PTGES3L: variants seen among roughly 807,000 people sequenced by gnomAD.
PTGES3L encodes the protein prostaglandin E synthase 3 like.
A neutral mutation model predicts 25.0 loss-of-function variants in PTGES3L; 17 were observed. That is an observed-to-expected ratio of 0.68 (90% CI 0.47 to 1.02). The LOEUF (loss-of-function observed/expected upper bound fraction) is 1.02. Ranked by LOEUF, PTGES3L falls within the 50% of genes least tolerant of loss-of-function variation. The pLI, the probability that PTGES3L is intolerant of heterozygous loss-of-function variation, is 0.00. For synonymous variants in PTGES3L, 59 were observed against 65.7 expected, an observed-to-expected ratio of 0.90 and a Z score of 0.50; for missense variants, 202 against 197.5, an observed-to-expected ratio of 1.02 and a Z score of -0.14.
rs1056458453 is a variant in PTGES3L, at chr17:42,969,065, C to T, written c.*83G>A. The T allele has an allele frequency of 1.3e-5, 13 of 1,025,550 alleles. No individual in the cohort carries two copies. Among genetic ancestry groups the T allele is most frequent in the Admixed American group, 6.4e-5 (3 of 47,138 alleles). 63.5% of individuals were successfully genotyped at this position (1,025,550 alleles called of 1,614,324 possible). A position where few individuals can be genotyped will look rare whatever the true frequency, so the allele number is the denominator to read the frequency against. ...AGAAGAACTTGGTGCACAGCCAAAG[C>T]GCTGACAAAGGCCTAGGCGCTAGCT... On this transcript the variant is annotated 3_prime_UTR_variant, in exon 7 of 7. Transcript: ENST00000591916.
intron 1 of PTGES3L, 166 bp downstream of exon 1, chr17:42,979,880 G>T (rs1199014783): frequency 1.4e-6 from 2 of 1,444,534 alleles, no homozygotes; most frequent in Admixed American, 2.7e-5. Flanking sequence ...AAACTAGGAG[G>T]TCAGGGAGAA....
At chr17:42,976,095 G>A (rs1486083734) in intron 4 of PTGES3L, among the ~76,000 whole-genome samples, 3 of 152,034 alleles carry the variant, frequency 2.0e-5, no homozygotes, top group East Asian at 1.9e-4. Context: ...CAATTCTCCC[G>A]CCTCAGCCTC....
intron 4 of PTGES3L, among the ~76,000 whole-genome samples, chr17:42,975,135 CAAAAAAAAAA>C (rs11398866): frequency 2.1e-5 from 2 of 97,050 alleles, no homozygotes; most frequent in South Asian, 4.0e-4. Context: ...CATCCTGTCT[CAAAAAAAAAA>C]AAAAAAAAAA....
intron 4 of PTGES3L, 88 bp from the exon 5 acceptor site, chr17:42,971,784 C>T (rs2049841568): frequency 4.2e-6 from 6 of 1,418,336 alleles, no homozygotes; most frequent in Non-Finnish European, 5.9e-6. Flanking sequence ...GGGAGCACGC[C>T]TGGGGAAAAG....
chr17:42,969,202 A>AG lies in PTGES3L; in HGVS notation c.433-17_433-16insC, dbSNP rs751554378. The AG allele has an allele frequency of 3.8e-5, 51 of 1,347,588 alleles. No homozygotes were observed. The highest frequency in any genetic ancestry group is 1.8e-4 in the Middle Eastern group (1 of 5,466). 83.5% of individuals were successfully genotyped at this position (1,347,588 alleles called of 1,614,324 possible). The stretch of plus-strand genomic sequence containing the variant: ...CAGAATCATCCTGGGGGCGGGGGGG[A>AG]AAAAAGACAAAGCACCTGTAGACCC... On this transcript the variant is annotated splice_polypyrimidine_tract_variant and intron_variant, in intron 6 of 6. Transcript: ENST00000591916.
chr17:42,971,714 AAG>A lies in PTGES3L; in HGVS notation c.289-20_289-19del. On this transcript the variant is annotated intron_variant, in intron 4 of 6. Transcript: ENST00000591916. ...CACACTGGCTGCAAGAAGAGGCACCAAGAGTCACAGGCCAGGAGGGCAGGAGC... is the reference window on the plus strand; with the variant it reads ...CACACTGGCTGCAAGAAGAGGCACCAAGTCACAGGCCAGGAGGGCAGGAGC... 1 of 1,613,748 alleles carries A rather than the reference AAG, an allele frequency of 6.2e-7. No homozygotes were observed. Among genetic ancestry groups the A allele is most frequent in the Non-Finnish European group, 8.5e-7 (1 of 1,179,808 alleles).
intron 1 of PTGES3L, 190 bp from the exon 2 acceptor site, chr17:42,979,853 G>A (rs2050042656): frequency 2.1e-6 from 3 of 1,442,028 alleles, no homozygotes; most frequent in African/African-American, 1.4e-5. Flanking sequence ...GGGAAGAATA[G>A]AACGTGCAAG....
At chr17:42,974,121 G>C (rs966540080) in intron 4 of PTGES3L, among the ~76,000 whole-genome samples, 2 of 152,000 alleles carry the variant, frequency 1.3e-5, no homozygotes, top group Non-Finnish European at 2.9e-5. Context: ...AGCACTCTGC[G>C]GGGCCAGGGT....
chr17:42,979,780 G>A lies in PTGES3L; in HGVS notation c.9-117C>T, dbSNP rs2050040634. 4 of 1,455,890 alleles carry A rather than the reference G, an allele frequency of 2.7e-6. No individual in the cohort carries two copies. The South Asian group carries it at 5.1e-5, about 19-fold the overall frequency. The allele number at this position is 1,455,890 out of a possible 1,614,324, so 90.2% of individuals were successfully genotyped here. The stretch of plus-strand genomic sequence containing the variant: ...CAGTTTTTTCAAAGTGGAGCTAAAT[G>A]AGACAGAAGGGGTGAAAGGGAAGGG... On this transcript the variant is annotated intron_variant, in intron 1 of 6. Coordinates refer to ENST00000591916, the MANE Select transcript of PTGES3L (RefSeq NM_001261430.2).
At chr17:42,979,488 G>A in intron 2 of PTGES3L, 44 bp from the exon 3 acceptor site, 2 of 1,614,128 alleles carry the variant, frequency 1.2e-6, no homozygotes, top group Non-Finnish European at 1.7e-6. Context: ...TACTCCGTGT[G>A]GGGACATTAG....
intron 4 of PTGES3L, among the ~76,000 whole-genome samples, chr17:42,978,734 C>T (rs1472364817): frequency 3.3e-5 from 5 of 152,142 alleles, no homozygotes; most frequent in Non-Finnish European, 7.4e-5. Flanking sequence ...GGCGCGGTGG[C>T]TCACGCCTGT....
intron 4 of PTGES3L, among the ~76,000 whole-genome samples, chr17:42,977,681 G>A (rs62076388): frequency 0.58 from 69,860 of 119,528 alleles, 20,940 homozygotes; most frequent in Non-Finnish European, 0.7. Context: ...GAGAGAGAGA[G>A]AGAAAGAAAG....
At position 42,979,638 on chromosome 17, in the gene PTGES3L, C is replaced by T. The variant is rs938262898; in HGVS notation, c.34G>A (p.Asp12Asn). The T allele has an allele frequency of 6.2e-6, 10 of 1,613,996 alleles. No homozygotes were observed. The highest frequency in any genetic ancestry group is 4.0e-5 in the African/African-American group (3 of 74,914). ...ARQHARTLWY[D>N]RPRYVFMEFC... The stretch of plus-strand genomic sequence containing the variant: ...TCCATGAACACATACCTGGGCCTGT[C>T]GTACCACAAGGTCCGGGCGTGCTGC... The change falls in exon 2 of 7, where the codon GAC becomes AAC. Residue 12 changes from aspartate (D) to asparagine (N), a missense_variant. Asp to Asn is a conservative substitution (Grantham distance 23). Coordinates refer to ENST00000591916, the MANE Select transcript of PTGES3L (RefSeq NM_001261430.2).
chr17:42,973,391 G>A lies in PTGES3L; in HGVS notation c.289-1695C>T, dbSNP rs1426339833. 5.0e-3 allele frequency among the ~76,000 whole-genome samples: 724 copies of A among 144,584 alleles called. 8 individuals carry two copies. The highest frequency in any genetic ancestry group is 7.1e-3 in the Non-Finnish European group (463 of 65,514). The allele number at this position is 144,584 out of a possible 152,430, so 94.9% of individuals were successfully genotyped here. On this transcript the variant is annotated intron_variant, in intron 4 of 6. Transcript: ENST00000591916. ...AGTGGGGGGGGTCAGCCCCCTGCCC[G>A]GCCAGCCGCCCCGTCCGGGAGGTGA...
rs745402882 is a variant in PTGES3L, at chr17:42,969,194, CG to C, written c.433-9del. 2.1e-3 allele frequency: 258 copies of C among 123,338 alleles called. 4 individuals carry two copies. The highest frequency in any genetic ancestry group is 3.1e-3 in the South Asian group (15 of 4,814). 7.6% of individuals were successfully genotyped at this position (123,338 alleles called of 1,614,324 possible). On this transcript the variant is annotated splice_polypyrimidine_tract_variant and intron_variant, in intron 6 of 6. Coordinates refer to ENST00000591916, the MANE Select transcript of PTGES3L (RefSeq NM_001261430.2). The stretch of plus-strand genomic sequence containing the variant: ...AGCACTGTCAGAATCATCCTGGGGG[CG>C]GGGGGGAAAAAAGACAAAGCACCTG...
At chr17:42,979,314 A>G in intron 3 of PTGES3L, 46 bp from the exon 4 acceptor site, 1 of 1,614,130 alleles carries the variant, frequency 6.2e-7, no homozygotes, top group South Asian at 1.1e-5. Flanking sequence ...GTTTAGAATT[A>G]ATCTCCAGTT....
intron 5 of PTGES3L, among the ~76,000 whole-genome samples, chr17:42,971,287 C>CACAG (rs1449586283): frequency 6.6e-6 from 1 of 151,558 alleles, no homozygotes; most frequent in African/African-American, 2.4e-5. Context: ...CAGAAAACCA[C>CACAG]ACACACACAC....
intron 4 of PTGES3L, among the ~76,000 whole-genome samples, chr17:42,972,960 A>C (rs1205997534): frequency 7.6e-6 from 1 of 131,798 alleles, no homozygotes; most frequent in Non-Finnish European, 1.6e-5. Context: ...TGTGGGGAGC[A>C]CCTCTGCCCC....
At chr17:42,969,449 C>G (rs1213701597) in intron 6 of PTGES3L, among the ~76,000 whole-genome samples, 2 of 141,316 alleles carry the variant, frequency 1.4e-5, no homozygotes, top group Non-Finnish European at 3.0e-5. Context: ...TGCTTCATCA[C>G]CCAGCTGCAG....
Sources: gnomAD v4.1 joint callset for allele counts (sites outside exome capture counted in the v4.1 genomes callset) on GRCh38, gnomAD v4.1.1 for gene constraint, MANE v1.5 for transcripts, NCBI Gene and HGNC (gene_info 2026-07-23, HGNC 2026-07-21) for gene names.